The following PCDHA7 variants were observed in gnomAD, a reference collection of about 807,000 sequenced individuals.
PCDHA7 encodes the protein protocadherin alpha-7.
PCDHA7 carries 37 observed loss-of-function variants against 57.2 expected under a neutral mutation model. The observed-to-expected ratio is 0.65, with a 90% CI of 0.50 to 0.85. PCDHA7 has a LOEUF of 0.85. Among genes scored for constraint, PCDHA7 ranks in the 40% least tolerant of loss-of-function variants. The pLI is 0.00. For synonymous variants in PCDHA7, 553 were observed against 558.8 expected (o/e 0.99, Z 0.15); for missense variants, 1,188 against 1,241.8 (o/e 0.96, Z 0.65).
chr5:140,843,027 G>A (rs2150350429), intron 1 of PCDHA7: 1 of 1,595,166 alleles, frequency 6.3e-7, no homozygotes, highest in South Asian at 1.1e-5. Flanking sequence ...CTGGAGCCTC[G>A]GGTGGGTGGC....
intron 1 of PCDHA7, chr5:140,929,720 C>A (rs146702581): frequency 4.5e-6 from 1 of 224,040 alleles, no homozygotes; most frequent in Admixed American, 5.9e-5. Context: ...GAAGGTGAAA[C>A]ATTTACTTAA....
At position 140,834,333 on chromosome 5, in the gene PCDHA7, T is replaced by C. The variant is rs781836936; in HGVS notation, c.-51T>C. Reference sequence around the variant, plus strand: ...AAATGAAGGGATAAAAACATTCCTATAAATTCGAAGGCAAGTTTTGCTGAC... The same window carrying C: ...AAATGAAGGGATAAAAACATTCCTACAAATTCGAAGGCAAGTTTTGCTGAC... On this transcript the variant is annotated 5_prime_UTR_variant, in exon 1 of 4. Coordinates refer to ENST00000525929, the MANE Select transcript of PCDHA7 (RefSeq NM_018910.3). The C allele has an allele frequency of 7.4e-6, 11 of 1,490,244 alleles. No individual in the cohort carries two copies. Among genetic ancestry groups the C allele is most frequent in the Non-Finnish European group, 1.0e-5 (11 of 1,101,992 alleles). 92.3% of individuals were successfully genotyped at this position (1,490,244 alleles called of 1,614,324 possible).
At chr5:140,877,096 G>T in intron 1 of PCDHA7, 3 of 1,613,378 alleles carry the variant, frequency 1.9e-6, no homozygotes, top group Non-Finnish European at 2.5e-6. Context: ...CGACGCCGGC[G>T]TGCCGCCTCT....
intron 1 of PCDHA7, chr5:140,883,434 T>G (rs2059607581): frequency 1.2e-6 from 2 of 1,614,038 alleles, no homozygotes; most frequent in Admixed American, 3.3e-5. Flanking sequence ...ACCTGCACCT[T>G]GACGCCGCAT....
intron 1 of PCDHA7, chr5:140,857,244 CCTA>C (rs782212916): frequency 6.3e-7 from 1 of 1,598,476 alleles, no homozygotes; most frequent in East Asian, 2.2e-5. Flanking sequence ...CTGGTGTCCA[CCTA>C]CAAGAATTAC....
chr5:140,878,348 T>G (rs55915538), intron 1 of PCDHA7, among the ~76,000 whole-genome samples: 4,312 of 152,298 alleles, frequency 0.028, 189 homozygotes, highest in African/African-American at 0.098. Flanking sequence ...ATCACAATAA[T>G]ATAAATGATA....
intron 2 of PCDHA7, chr5:140,982,271 G>A: frequency 1.1e-6 from 1 of 930,566 alleles, no homozygotes; most frequent in South Asian, 1.9e-5. Flanking sequence ...TCCTGGAATA[G>A]TATAGCAGGC....
At chr5:140,985,648 C>G (rs185772569) in intron 3 of PCDHA7, among the ~76,000 whole-genome samples, 17 of 152,092 alleles carry the variant, frequency 1.1e-4, no homozygotes, top group African/African-American at 4.1e-4. Flanking sequence ...CCAACACTTG[C>G]AATGGCTGAA....
intron 1 of PCDHA7, among the ~76,000 whole-genome samples, chr5:140,905,634 C>T (rs1554192107): frequency 6.6e-6 from 1 of 152,168 alleles, no homozygotes; most frequent in African/African-American, 2.4e-5. Context: ...ACAGTATGGT[C>T]AGTTTCACAG....
chr5:140,878,145 A>G (rs1331184448), intron 1 of PCDHA7: 4 of 183,786 alleles, frequency 2.2e-5, no homozygotes, highest in African/African-American at 9.5e-5. Flanking sequence ...CAGATGTTTG[A>G]TAACTTAAAA....
At chr5:140,952,171 TG>T (rs2094700193) in intron 1 of PCDHA7, among the ~76,000 whole-genome samples, 1 of 152,084 alleles carries the variant, frequency 6.6e-6, no homozygotes, top group Non-Finnish European at 1.5e-5. Context: ...GTTCAGTTCC[TG>T]CAGCTGCTCT....
intron 1 of PCDHA7, among the ~76,000 whole-genome samples, chr5:140,890,896 T>A (rs2062845405): frequency 6.6e-6 from 1 of 152,182 alleles, no homozygotes; most frequent in African/African-American, 2.4e-5. Context: ...ATTATTGTCT[T>A]TCCATGTTAG....
chr5:140,926,787 A>G, intron 1 of PCDHA7: 2 of 1,420,842 alleles, frequency 1.4e-6, no homozygotes, highest in Non-Finnish European at 1.8e-6. Context: ...GACGGCCGGC[A>G]GGAGCGTGCT....
intron 1 of PCDHA7, among the ~76,000 whole-genome samples, chr5:140,838,607 T>C (rs1389543577): frequency 1.3e-5 from 2 of 152,052 alleles, no homozygotes; most frequent in Non-Finnish European, 2.9e-5. Flanking sequence ...GTCTAGACTT[T>C]TAAAAATTTT....
chr5:140,876,728 C>T (rs200398819), intron 1 of PCDHA7: 11 of 1,614,128 alleles, frequency 6.8e-6, no homozygotes, highest in African/African-American at 1.3e-5. Context: ...GAGAGCGTGT[C>T]GGCCTATGAG....
chr5:140,962,245 T>C (rs2095666561), intron 1 of PCDHA7, among the ~76,000 whole-genome samples: 1 of 152,170 alleles, frequency 6.6e-6, no homozygotes, highest in Non-Finnish European at 1.5e-5. Context: ...ACCATTTTCT[T>C]CAATGAAAAA....
chr5:140,996,311 G>C lies in PCDHA7; in HGVS notation c.2504-13316G>C, dbSNP rs191577867. On this transcript the variant is annotated intron_variant, in intron 3 of 3. Coordinates refer to ENST00000525929, the MANE Select transcript of PCDHA7 (RefSeq NM_018910.3). ...GAAGCACAGATTGTAACAAAGTAAG[G>C]GGGGAGGGTAGAGAAGAAAAGTTTG... is the stretch of plus-strand genomic sequence containing the variant. 9.0e-4 allele frequency among the ~76,000 whole-genome samples: 137 copies of C among 152,302 alleles called. 1 individual carries two copies. The highest frequency in any genetic ancestry group is 2.8e-3 in the African/African-American group (118 of 41,574).
intron 1 of PCDHA7, chr5:140,858,518 A>G: frequency 7.0e-7 from 1 of 1,420,434 alleles, no homozygotes; most frequent in African/African-American, 1.4e-5. Context: ...TATGTATCAG[A>G]ATATTTCATT....
At chr5:140,979,169 A>T (rs2096837685) in intron 2 of PCDHA7, 162 bp downstream of exon 2, 1 of 966,312 alleles carries the variant, frequency 1.0e-6, no homozygotes, top group Admixed American at 6.2e-5. Context: ...TCCTTGAAAG[A>T]TCGCAAATGG....
Sources: gnomAD v4.1 joint callset for allele counts (sites outside exome capture counted in the v4.1 genomes callset) on GRCh38, gnomAD v4.1.1 for gene constraint, MANE v1.5 for transcripts, NCBI Gene and HGNC (gene_info 2026-07-23, HGNC 2026-07-21) for gene names.